Variants in CDH19 observed in about 807,000 individuals in gnomAD.
CDH19 encodes cadherin-19.
Under a neutral mutation model 64.2 loss-of-function variants are expected in CDH19, and 67 were observed. The ratio of observed to expected loss-of-function variants is 1.04; its 90% confidence interval spans 0.86 to 1.28. The LOEUF (loss-of-function observed/expected upper bound fraction) is 1.28. Among genes scored for constraint, CDH19 ranks in the 50% most tolerant of loss-of-function variants. The pLI is 0.00. For missense variants in CDH19, 1,030 were observed against 929.0 expected, an observed-to-expected ratio of 1.11 and a Z score of -1.41; for synonymous variants, 346 against 319.3, an observed-to-expected ratio of 1.08 and a Z score of -0.89.
intron 7 of CDH19, among the ~76,000 whole-genome samples, chr18:66,538,309 C>A (rs1322861424): frequency 3.9e-5 from 6 of 152,034 alleles, no homozygotes; most frequent in Non-Finnish European, 8.8e-5. Flanking sequence ...TTGGGGATAT[C>A]TCCAAAGTCC....
intron 11 of CDH19, among the ~76,000 whole-genome samples, chr18:66,507,520 T>C (rs1985259729): frequency 2.6e-5 from 4 of 151,864 alleles, no homozygotes; most frequent in African/African-American, 7.2e-5. Context: ...GAAAAGGTTA[T>C]GCTAGATGAA....
At chr18:66,514,107 T>C (rs1355045479) in intron 9 of CDH19, among the ~76,000 whole-genome samples, 5 of 151,532 alleles carry the variant, frequency 3.3e-5, no homozygotes, top group Non-Finnish European at 7.4e-5. Flanking sequence ...TAAATGTTTA[T>C]ATTAAGCTTC....
intron 9 of CDH19, among the ~76,000 whole-genome samples, chr18:66,513,443 T>C (rs1168065742): frequency 6.6e-6 from 1 of 151,460 alleles, no homozygotes; most frequent in Non-Finnish European, 1.5e-5. Flanking sequence ...AATTACTTTA[T>C]AAAAATAGGA....
intron 8 of CDH19, among the ~76,000 whole-genome samples, chr18:66,530,633 T>G (rs1986406050): frequency 7.3e-6 from 1 of 137,660 alleles, no homozygotes; most frequent in Non-Finnish European, 1.5e-5. Context: ...GTTAAAACAT[T>G]TAAATCTTTC....
At chr18:66,547,348 G>A (rs1449806226) in intron 5 of CDH19, among the ~76,000 whole-genome samples, 4 of 152,088 alleles carry the variant, frequency 2.6e-5, no homozygotes, top group Admixed American at 2.6e-4. Flanking sequence ...GTGTGCGTAT[G>A]TATATGTGTG....
At chr18:66,552,828 G>A (rs1405604672) in intron 4 of CDH19, among the ~76,000 whole-genome samples, 1 of 133,808 alleles carries the variant, frequency 7.5e-6, no homozygotes, top group African/African-American at 3.5e-5. Context: ...ACATGGTCAC[G>A]AAGGCCTGGT....
At chr18:66,599,257 TCTG>T (rs1361709078) in intron 1 of CDH19, among the ~76,000 whole-genome samples, 1 of 152,108 alleles carries the variant, frequency 6.6e-6, no homozygotes, top group Admixed American at 6.6e-5. Flanking sequence ...TTTTTAATTG[TCTG>T]CTATGAGCTG....
rs549120614 is a variant in CDH19, at chr18:66,532,834, A to G, written c.1336+2152T>C. ...TCCTTTGGATAAAACCACTTAGCAA[A>G]TACAGGCGGTCACTCCAACTACCCA... On this transcript the variant is annotated intron_variant, in intron 8 of 11. Coordinates refer to ENST00000262150, the MANE Select transcript of CDH19 (RefSeq NM_021153.4). 1,038 of 403,312 alleles carry G rather than the reference A, an allele frequency of 2.6e-3. 3 individuals are homozygous for G. The highest frequency in any genetic ancestry group is 3.8e-3 in the Non-Finnish European group (770 of 202,574). The allele number at this position is 403,312 out of a possible 1,614,324, so 25.0% of individuals were successfully genotyped here.
At chr18:66,589,976 T>C (rs1411941877) in intron 1 of CDH19, among the ~76,000 whole-genome samples, 2 of 151,440 alleles carry the variant, frequency 1.3e-5, no homozygotes, top group African/African-American at 4.8e-5. Context: ...ACTATTATTA[T>C]TTTGTTAGAC....
At chr18:66,531,605 A>G (rs1014876083) in intron 8 of CDH19, among the ~76,000 whole-genome samples, 1 of 152,030 alleles carries the variant, frequency 6.6e-6, no homozygotes, top group African/African-American at 2.4e-5. Context: ...TACAGAGTGA[A>G]ACCCTGACTC....
Position 66,511,622 on chromosome 18 carries a change from T to A in CDH19, c.1522A>T (p.Asn508Tyr), listed in dbSNP as rs749331815. ...ESIEEHHFYFNLSVEDTNNSS... is the reference protein window; with the variant it reads ...ESIEEHHFYFYLSVEDTNNSS... ...TTGTTAGTGTCTTCTACAGATAGAT[T>A]AAAGTAAAAATGGTGCTCTTCTATG... Residue 508 changes from asparagine to tyrosine, a missense_variant, in exon 10 of 12, where the codon AAT becomes TAT. Physicochemically the swap from Asn to Tyr is moderately radical, Grantham distance 143. Coordinates refer to ENST00000262150, the MANE Select transcript of CDH19 (RefSeq NM_021153.4). 2 of 1,571,026 alleles carry A rather than the reference T, an allele frequency of 1.3e-6. No individual in the cohort carries two copies. Among genetic ancestry groups the A allele is most frequent in the East Asian group, 4.5e-5 (2 of 44,452 alleles).
intron 1 of CDH19, among the ~76,000 whole-genome samples, chr18:66,573,847 T>TAATATTAAAATATTAAATTAAAATTAA (rs1988183468): frequency 6.6e-6 from 1 of 151,036 alleles, no homozygotes; most frequent in Non-Finnish European, 1.5e-5. Flanking sequence ...GCTCACTTTT[T>TAATATTAAAATATTAAATTAAAATTAA]AATATTAAAA....
intron 4 of CDH19, among the ~76,000 whole-genome samples, chr18:66,554,178 T>C (rs1568194682): frequency 1.3e-5 from 2 of 152,002 alleles, no homozygotes; most frequent in Non-Finnish European, 2.9e-5. Context: ...TCTTTACATA[T>C]GATTTAAACC....
chr18:66,544,631 A>G, intron 6 of CDH19, 88 bp downstream of exon 6: 4 of 817,518 alleles, frequency 4.9e-6, no homozygotes, highest in Non-Finnish European at 3.6e-6. Flanking sequence ...TCAATTATTT[A>G]ATGAGTTAAA....
At chr18:66,553,195 A>C (rs1265845815) in intron 4 of CDH19, among the ~76,000 whole-genome samples, 1 of 134,464 alleles carries the variant, frequency 7.4e-6, no homozygotes, top group South Asian at 2.4e-4. Flanking sequence ...AGAGTCCATT[A>C]TTATATCTTG....
chr18:66,587,864 G>T (rs921869112), intron 1 of CDH19, among the ~76,000 whole-genome samples: 1 of 152,112 alleles, frequency 6.6e-6, no homozygotes, highest in African/African-American at 2.4e-5. Flanking sequence ...AAAATCAACT[G>T]TGTCTCTAAT....
chr18:66,578,665 A>G (rs555074658), intron 1 of CDH19, among the ~76,000 whole-genome samples: 1 of 151,978 alleles, frequency 6.6e-6, no homozygotes, highest in East Asian at 1.9e-4. Flanking sequence ...ACCTAAGACA[A>G]AATAAAATTA....
At chr18:66,583,173 C>G (rs1027511712) in intron 1 of CDH19, among the ~76,000 whole-genome samples, 1 of 151,772 alleles carries the variant, frequency 6.6e-6, no homozygotes, top group African/African-American at 2.4e-5. Context: ...TTTTTATGAG[C>G]CTTTGGTGCT....
chr18:66,583,652 T>G (rs1288203047), intron 1 of CDH19, among the ~76,000 whole-genome samples: 1 of 152,004 alleles, frequency 6.6e-6, no homozygotes, highest in Non-Finnish European at 1.5e-5. Context: ...TACATCTATG[T>G]TCTCACAAAT....
Sources: allele counts gnomAD v4.1 joint callset (sites outside exome capture counted in the v4.1 genomes callset), GRCh38; gene constraint gnomAD v4.1.1; transcripts MANE v1.5; gene names NCBI Gene and HGNC (gene_info 2026-07-23, HGNC 2026-07-21).